The following SLC46A3 variants were observed in gnomAD, a reference collection of about 807,000 sequenced individuals.
The protein encoded by SLC46A3 is lysosomal proton-coupled steroid conjugate and bile acid symporter SLC46A3.
A neutral mutation model predicts 38.5 loss-of-function variants in SLC46A3; 26 were observed. That is an observed-to-expected ratio of 0.68 (90% CI 0.49 to 0.94). The LOEUF is 0.94. Among genes scored for constraint, SLC46A3 ranks in the 40% least tolerant of loss-of-function variants. The pLI, the probability that SLC46A3 is intolerant of heterozygous loss-of-function variation, is 0.00. For synonymous variants in SLC46A3, 185 were observed against 192.5 expected, an observed-to-expected ratio of 0.96 and a Z score of 0.32; for missense variants, 510 against 544.3, an observed-to-expected ratio of 0.94 and a Z score of 0.63.
rs1324302577 is a variant in SLC46A3 at position 28,710,859 on chromosome 13, T to C, written c.1061-16A>G. On this transcript the variant is annotated splice_polypyrimidine_tract_variant and intron_variant, in intron 3 of 5. Transcript: ENST00000266943. The stretch of plus-strand genomic sequence containing the variant: ...GGCACCCTGGCTGTGAGAGAAAGGA[T>C]TCAAAATCACTGGCTGATTCTGAAA... 6.3e-7 allele frequency: 1 copy of C among 1,599,024 alleles called. No homozygotes were observed. The highest frequency in any genetic ancestry group is 8.6e-7 in the Non-Finnish European group (1 of 1,167,758).
rs547713979 is a variant in SLC46A3, at chr13:28,714,486, C to T, written c.190-936G>A. Among the ~76,000 whole-genome samples the T allele has an allele frequency of 1.4e-3, 217 of 152,062 alleles. 1 individual carries two copies. Among genetic ancestry groups the T allele is most frequent in the Non-Finnish European group, 2.1e-3 (140 of 67,950 alleles). On this transcript the variant is annotated intron_variant, in intron 2 of 5. Coordinates refer to ENST00000266943, the MANE Select transcript of SLC46A3 (RefSeq NM_181785.4). ...AAACTAGGCCAGGCACGGTGGCTCA[C>T]GCCTGTAATCCTAGCACTTTGGGGG... is the stretch of plus-strand genomic sequence containing the variant.
Position 28,701,298 on chromosome 13 carries a change from A to G in SLC46A3, c.*199T>C. On this transcript the variant is annotated 3_prime_UTR_variant, in exon 6 of 6. Transcript: ENST00000266943. Reference sequence around the variant, plus strand: ...GTGTATTGCAAGTATATTGCATGATACGCACAAAGTGCTCAAAGTGCGTGG... The same window carrying G: ...GTGTATTGCAAGTATATTGCATGATGCGCACAAAGTGCTCAAAGTGCGTGG... 7.1e-7 allele frequency: 1 copy of G among 1,418,370 alleles called. No homozygotes were observed. 87.9% of individuals were successfully genotyped at this position (1,418,370 alleles called of 1,614,324 possible). A position where few individuals can be genotyped will look rare whatever the true frequency, so the allele number is the denominator to read the frequency against.
chr13:28,703,461 T>C (rs2137820404), intron 5 of SLC46A3, among the ~76,000 whole-genome samples: 1 of 152,316 alleles, frequency 6.6e-6, no homozygotes, highest in South Asian at 2.1e-4. Context: ...ACAATCCTTC[T>C]TTTAGTTCTT....
At chr13:28,714,152 A>AAC (rs1555260398) in intron 2 of SLC46A3, among the ~76,000 whole-genome samples, 14 of 24,936 alleles carry the variant, frequency 5.6e-4, no homozygotes, top group African/African-American at 9.5e-4. Context: ...AAAAAAAAAA[A>AAC]AAAAAAACCT....
At chr13:28,709,322 CA>C (rs11321003) in intron 4 of SLC46A3, among the ~76,000 whole-genome samples, 110,031 of 130,216 alleles carry the variant, frequency 0.84, 46,174 homozygotes, top group Non-Finnish European at 0.92. Flanking sequence ...AACTCCGTCT[CA>C]AAAAAAAAAA....
rs1447786796 is a variant in SLC46A3 at position 28,701,473 on chromosome 13, T to A, written c.*24A>T. The A allele has an allele frequency of 1.2e-6, 2 of 1,607,186 alleles. No homozygotes were observed. The highest frequency in any genetic ancestry group is 8.5e-7 in the Non-Finnish European group (1 of 1,177,912). On this transcript the variant is annotated 3_prime_UTR_variant, in exon 6 of 6. Coordinates refer to ENST00000266943, the MANE Select transcript of SLC46A3 (RefSeq NM_181785.4). ...GTATATGATATGTGCATTCATAGAT[T>A]TTTTTTGTTTGTTTAAATCACAGTC...
At chr13:28,717,520 CA>C (rs1885565015) in intron 2 of SLC46A3, among the ~76,000 whole-genome samples, 1 of 95,224 alleles carries the variant, frequency 1.1e-5, no homozygotes, top group Non-Finnish European at 2.4e-5. Flanking sequence ...TAGGACAAAG[CA>C]AGGAGACAGC....
chr13:28,708,581 C>T (rs963169949), intron 4 of SLC46A3, among the ~76,000 whole-genome samples: 3 of 149,658 alleles, frequency 2.0e-5, no homozygotes, highest in South Asian at 2.1e-4. Context: ...TGTGGGTTGT[C>T]GGTTGTCATT....
At chr13:28,711,368 G>T (rs1885335160) in intron 3 of SLC46A3, among the ~76,000 whole-genome samples, 1 of 150,884 alleles carries the variant, frequency 6.6e-6, no homozygotes, top group African/African-American at 2.4e-5. Context: ...AGGTTGCAGT[G>T]AGCCCAGATC....
At chr13:28,709,168 A>C (rs997366253) in intron 4 of SLC46A3, among the ~76,000 whole-genome samples, 2 of 152,024 alleles carry the variant, frequency 1.3e-5, no homozygotes, top group South Asian at 4.1e-4. Flanking sequence ...CTAAAAACAC[A>C]AAAATTAGCC....
intron 5 of SLC46A3, 106 bp downstream of exon 5, chr13:28,703,837 C>T (rs183477498): frequency 2.7e-5 from 27 of 1,004,194 alleles, no homozygotes; most frequent in Non-Finnish European, 3.6e-5. Context: ...GAGAAAAGCA[C>T]GTTCTGAGGC....
intron 5 of SLC46A3, 174 bp downstream of exon 5, chr13:28,703,769 G>A: frequency 4.5e-6 from 2 of 449,286 alleles, no homozygotes; most frequent in Non-Finnish European, 7.8e-6. Context: ...TCTTCACTGT[G>A]TCATTCCAAT....
intron 1 of SLC46A3, 71 bp from the exon 2 acceptor site, chr13:28,718,093 T>C (rs1166628763): frequency 2.4e-6 from 3 of 1,273,386 alleles, no homozygotes; most frequent in Non-Finnish European, 3.3e-6. Flanking sequence ...GATGGGTAAG[T>C]TTGAGCAATT....
Position 28,701,577 on chromosome 13 carries a change from C to A in SLC46A3, c.1306G>T (p.Val436Phe), listed in dbSNP as rs1384039452. ...LLLPAISLCVVKCTSWNEGSY... is the reference protein window; with the variant it reads ...LLLPAISLCVFKCTSWNEGSY... ...CCCTCATTCCAGCTGGTACACTTGA[C>A]AACACTATAAAAGGAAACAAGACAT... Residue 436 changes from valine to phenylalanine, a missense_variant, in exon 6 of 6, where the codon GTC (valine) becomes TTC (phenylalanine). Transcript: ENST00000266943. 1 of 1,612,598 alleles carries A rather than the reference C, an allele frequency of 6.2e-7. No individual in the cohort carries two copies.
chr13:28,713,332 G>A lies in SLC46A3; in HGVS notation c.408C>T (p.Phe136=). 6.2e-7 allele frequency: 1 copy of A among 1,614,022 alleles called. No individual in the cohort carries two copies. Among genetic ancestry groups the A allele is most frequent in the Non-Finnish European group, 8.5e-7 (1 of 1,180,028 alleles). Reference sequence around the variant, plus strand: ...TATAATTGCCACAAAATGCACCAATGAAGGTAGATGCAATCAAAAGCTGGA... The same window carrying A: ...TATAATTGCCACAAAATGCACCAATAAAGGTAGATGCAATCAAAAGCTGGA... ...FPFQLLIAST[F]IGAFCGNYTT... The change falls in exon 3 of 6, where the codon TTC becomes TTT. Residue 136 remains phenylalanine, a synonymous_variant. Coordinates refer to ENST00000266943, the MANE Select transcript of SLC46A3 (RefSeq NM_181785.4).
chr13:28,713,535 CT>C lies in SLC46A3; in HGVS notation c.204del (p.Val69CysfsTer10). The C allele has an allele frequency of 6.2e-7, 1 of 1,601,676 alleles. No individual in the cohort carries two copies. Among genetic ancestry groups the C allele is most frequent in the Non-Finnish European group, 8.5e-7 (1 of 1,171,782 alleles). ...TCCATCTGCAGATTAAAACGTGACA[CT>C]TTTTTCTGAACTTCCTGCAAAGAAA... ...IFAFQEEVQK[K>X]VSRFNLQMDI... On this transcript the variant is annotated frameshift_variant, in exon 3 of 6. Coordinates refer to ENST00000266943, the MANE Select transcript of SLC46A3 (RefSeq NM_181785.4). LOFTEE classifies it high-confidence loss of function.
At chr13:28,706,619 C>T (rs1435439074) in intron 4 of SLC46A3, among the ~76,000 whole-genome samples, 3 of 151,840 alleles carry the variant, frequency 2.0e-5, no homozygotes, top group Non-Finnish European at 4.4e-5. Context: ...CCTCTGTTGC[C>T]CACACTGCTT....
At chr13:28,710,902 A>G in intron 3 of SLC46A3, 59 bp from the exon 4 acceptor site, 7 of 1,202,324 alleles carry the variant, frequency 5.8e-6, no homozygotes, top group Non-Finnish European at 8.6e-6. Context: ...GCCAATTTAA[A>G]ATAGGAAACA....
rs752784101 is a variant in SLC46A3 at position 28,701,595 on chromosome 13, CAA to C, written c.1302-16_1302-15del. On this transcript the variant is annotated splice_polypyrimidine_tract_variant and intron_variant, in intron 5 of 5. Coordinates refer to ENST00000266943, the MANE Select transcript of SLC46A3 (RefSeq NM_181785.4). ...CACTTGACAACACTATAAAAGGAAA[CAA>C]GACATTTTAAAGTTGAGATTAAGAC... The C allele has an allele frequency of 2.5e-6, 4 of 1,605,454 alleles. No individual in the cohort carries two copies. The Admixed American group carries it at 6.9e-5, about 28-fold the overall frequency.
Sources: allele counts gnomAD v4.1 joint callset (sites outside exome capture counted in the v4.1 genomes callset), GRCh38; gene constraint gnomAD v4.1.1; transcripts MANE v1.5; gene names NCBI Gene and HGNC (gene_info 2026-07-23, HGNC 2026-07-21).